KLF7: variants seen among roughly 807,000 people sequenced by gnomAD.
KLF7 encodes the protein KLF transcription factor 7, also known as Krueppel-like factor 7.
KLF7 carries 2 observed loss-of-function variants against 27.3 expected under a neutral mutation model. The observed-to-expected ratio is 0.07, with a 90% CI of 0.03 to 0.23. KLF7 has a LOEUF of 0.23. Among genes scored for constraint, KLF7 ranks in the 10% least tolerant of loss-of-function variants. The pLI is 1.00. For synonymous variants in KLF7, 165 were observed against 162.4 expected (o/e 1.02, Z -0.12); for missense variants, 221 against 394.1 (o/e 0.56, Z 3.72).
intron 1 of KLF7, among the ~76,000 whole-genome samples, chr2:207,136,461 G>A (rs918858089): frequency 1.3e-5 from 2 of 152,004 alleles, no homozygotes; most frequent in Non-Finnish European, 2.9e-5. Flanking sequence ...CCTTTTCATC[G>A]ATTATGTCTT....
At chr2:207,093,591 T>G (rs1379310613) in intron 2 of KLF7, among the ~76,000 whole-genome samples, 1 of 152,252 alleles carries the variant, frequency 6.6e-6, no homozygotes, top group Non-Finnish European at 1.5e-5. Flanking sequence ...GAAATGCAGT[T>G]GCACATTGTT....
chr2:207,145,903 G>C (rs1336610784), intron 1 of KLF7, among the ~76,000 whole-genome samples: 3 of 152,276 alleles, frequency 2.0e-5, no homozygotes, highest in Middle Eastern at 3.4e-3. Context: ...GAAATTAAGT[G>C]AATGAACTAA....
At chr2:207,117,750 A>G (rs2077228003) in intron 2 of KLF7, among the ~76,000 whole-genome samples, 1 of 152,200 alleles carries the variant, frequency 6.6e-6, no homozygotes, top group Non-Finnish European at 1.5e-5. Context: ...AAATTACTAT[A>G]CTATCACATT....
chr2:207,088,681 G>T, intron 2 of KLF7, 100 bp from the exon 3 acceptor site: 1 of 1,308,184 alleles, frequency 7.6e-7, no homozygotes. Context: ...GGAAAGGGCT[G>T]TTTAACTCAT....
At position 207,074,278 on chromosome 2, in the gene KLF7, G is replaced by A. The variant is rs1337540855; in HGVS notation, c.*6935C>T. ...TACTGCTGTGTCCCATGTGACAAAT[G>A]TGTTTTACTGCTGTTTCCTGTGAAT... is the stretch of plus-strand genomic sequence containing the variant. On this transcript the variant is annotated 3_prime_UTR_variant, in exon 4 of 4. Coordinates refer to ENST00000309446, the MANE Select transcript of KLF7 (RefSeq NM_003709.4). 1.3e-5 allele frequency: 2 copies of A among 152,304 alleles called. No homozygotes were observed. The highest frequency in any genetic ancestry group is 3.4e-3 in the Middle Eastern group (1 of 294). 9.4% of individuals were successfully genotyped at this position (152,304 alleles called of 1,614,324 possible). A position where few individuals can be genotyped will look rare whatever the true frequency, so the allele number is the denominator to read the frequency against.
Position 207,077,272 on chromosome 2 carries a change from C to G in KLF7, c.*3941G>C, listed in dbSNP as rs961736342. The G allele has an allele frequency of 6.6e-6, 1 of 152,148 alleles. No homozygotes were observed. Among genetic ancestry groups the G allele is most frequent in the Non-Finnish European group, 1.5e-5 (1 of 68,040 alleles). The allele number at this position is 152,148 out of a possible 1,614,324, so 9.4% of individuals were successfully genotyped here. A position where few individuals can be genotyped will look rare whatever the true frequency, so the allele number is the denominator to read the frequency against. On this transcript the variant is annotated 3_prime_UTR_variant, in exon 4 of 4. Coordinates refer to ENST00000309446, the MANE Select transcript of KLF7 (RefSeq NM_003709.4). ...ATGCACTGGAAGAGCCATCCAAAAG[C>G]CCCATTTCTTTCCCCTTTGATGCAA...
chr2:207,157,371 G>C (rs1398717097), intron 1 of KLF7, among the ~76,000 whole-genome samples: 1 of 152,106 alleles, frequency 6.6e-6, no homozygotes, highest in Non-Finnish European at 1.5e-5. Context: ...CCATTTGAAA[G>C]TTAAGGAATG....
intron 2 of KLF7, among the ~76,000 whole-genome samples, chr2:207,122,456 G>A (rs1340264502): frequency 6.6e-6 from 1 of 152,016 alleles, no homozygotes; most frequent in Non-Finnish European, 1.5e-5. Flanking sequence ...TTATATATTC[G>A]AACTTCAGGA....
chr2:207,166,915 C>T (rs2078730658), upstream of KLF7: 16 of 1,025,218 alleles, frequency 1.6e-5, no homozygotes, highest in Middle Eastern at 4.1e-4. Context: ...CCCGCTTGCG[C>T]ACAGTCCCCG....
chr2:207,130,007 G>A lies in KLF7; in HGVS notation c.103-5603C>T, dbSNP rs2106011439. 3.3e-5 allele frequency among the ~76,000 whole-genome samples: 5 copies of A among 152,300 alleles called. No homozygotes were observed. In the Middle Eastern group the frequency reaches 0.01, roughly 311 times the overall value. Reference sequence around the variant, plus strand: ...ACATTTGGTTATATATGGGCATGGTGCCAAGGTTACCAAATGGCTTCTGTT... The same window carrying A: ...ACATTTGGTTATATATGGGCATGGTACCAAGGTTACCAAATGGCTTCTGTT... On this transcript the variant is annotated intron_variant, in intron 1 of 3. Transcript: ENST00000309446.
At position 207,106,831 on chromosome 2, in the gene KLF7, T is replaced by C. The variant is rs1229391651; in HGVS notation, c.733+16943A>G. Among the ~76,000 whole-genome samples, 6 of 151,720 alleles carry C rather than the reference T, an allele frequency of 4.0e-5. No individual in the cohort carries two copies. In the East Asian group the frequency reaches 1.2e-3, roughly 29 times the overall value. ...GCACAGAGAGTGGGATGGAGTGGGG[T>C]GGAAGAAGGGTGGGGTCTGCTCCAC... On this transcript the variant is annotated intron_variant, in intron 2 of 3. Transcript: ENST00000309446.
At chr2:207,149,212 A>C in intron 1 of KLF7, 1 of 1,251,236 alleles carries the variant, frequency 8.0e-7, no homozygotes, top group Admixed American at 2.3e-5. Flanking sequence ...TGAGGAGAAA[A>C]AATTAAAAAT....
intron 1 of KLF7, among the ~76,000 whole-genome samples, chr2:207,139,175 T>TGTAA (rs2077870918): frequency 1.3e-5 from 2 of 152,240 alleles, no homozygotes; most frequent in Admixed American, 1.3e-4. Flanking sequence ...GGAGCAAAGC[T>TGTAA]GTAACAGCTC....
chr2:207,138,870 G>A (rs569222611), intron 1 of KLF7, among the ~76,000 whole-genome samples: 5 of 152,292 alleles, frequency 3.3e-5, no homozygotes, highest in African/African-American at 9.6e-5. Flanking sequence ...GAGATATTTC[G>A]ATGTTTGTGT....
chr2:207,133,607 AGC>A (rs1226028829), intron 1 of KLF7, among the ~76,000 whole-genome samples: 5 of 152,166 alleles, frequency 3.3e-5, no homozygotes, highest in Non-Finnish European at 7.3e-5. Flanking sequence ...TTTCTTGACG[AGC>A]GCTTGTGTCA....
chr2:207,156,278 C>A (rs1250878092), intron 1 of KLF7, among the ~76,000 whole-genome samples: 1 of 152,236 alleles, frequency 6.6e-6, no homozygotes. Context: ...AGGAGCTAAG[C>A]CTTCTATGGG....
chr2:207,123,317 CTT>C (rs1326966461), intron 2 of KLF7, among the ~76,000 whole-genome samples: 1 of 152,200 alleles, frequency 6.6e-6, no homozygotes, highest in Admixed American at 6.5e-5. Context: ...CTGTTGGTGA[CTT>C]TGATGAAAAA....
rs147429251 is a variant in KLF7 at position 207,128,488 on chromosome 2, C to G, written c.103-4084G>C. ...TGGATGCTAAAACTAGTAGAAAGAT[C>G]TATGATGAGAAACAAGGTATCTGCC... On this transcript the variant is annotated intron_variant, in intron 1 of 3. Transcript: ENST00000309446. 5.2e-3 allele frequency among the ~76,000 whole-genome samples: 793 copies of G among 152,212 alleles called. 14 individuals carry two copies. The highest frequency in any genetic ancestry group is 0.018 in the African/African-American group (768 of 41,514).
At chr2:207,149,277 G>A in intron 1 of KLF7, 1 of 632,644 alleles carries the variant, frequency 1.6e-6, no homozygotes, top group South Asian at 1.6e-5. Context: ...AGGAGGCTCT[G>A]CCTTTGTCTT....
Sources: allele counts gnomAD v4.1 joint callset (sites outside exome capture counted in the v4.1 genomes callset), GRCh38; gene constraint gnomAD v4.1.1; transcripts MANE v1.5; gene names NCBI Gene and HGNC (gene_info 2026-07-23, HGNC 2026-07-21).